CRYM: variants seen among roughly 807,000 people sequenced by gnomAD.
The protein encoded by CRYM is crystallin mu, also known as ketimine reductase mu-crystallin.
In CRYM, 18 loss-of-function variants were observed where a neutral mutation model predicts 32.9. The observed-to-expected ratio is 0.55, with a 90% CI of 0.38 to 0.81. CRYM has a LOEUF of 0.81. CRYM is among the 30% of genes least tolerant of loss of function. The probability of loss-of-function intolerance (pLI) is 0.00; values close to 1 mark genes in which losing one functional copy is unlikely to be tolerated. For synonymous variants in CRYM, 153 were observed against 152.4 expected (o/e 1.00, Z -0.03); for missense variants, 337 against 393.5 (o/e 0.86, Z 1.21).
intron 1 of CRYM, chr16:21,299,867 T>C (rs574156023): frequency 7.2e-5 from 11 of 152,350 alleles, no homozygotes; most frequent in African/African-American, 2.6e-4. Flanking sequence ...GATTTCAAAT[T>C]AAGTGTGTAA....
chr16:21,273,293 A>G (rs1387762644), intron 3 of CRYM, among the ~76,000 whole-genome samples: 1 of 152,148 alleles, frequency 6.6e-6, no homozygotes, highest in Non-Finnish European at 1.5e-5. Context: ...GGACAAGAAA[A>G]TATTCTACTC....
chr16:21,296,602 G>T (rs1960792585), intron 1 of CRYM, among the ~76,000 whole-genome samples: 1 of 152,102 alleles, frequency 6.6e-6, no homozygotes, highest in African/African-American at 2.4e-5. Flanking sequence ...TAATAAAATG[G>T]GGCAGGGACT....
In CRYM at chr16:21,272,816, A is replaced by ATTTT. The variant is rs60416570; in HGVS notation, c.387+2712_387+2715dup. On this transcript the variant is annotated intron_variant, in intron 3 of 7. Transcript: ENST00000572914. ...AGGCACCTGCCACCATGCCCAGCTA[A>ATTTT]TTTTTTTTTTTTTTTTTTTTTTTTT... Among the ~76,000 whole-genome samples the ATTTT allele has an allele frequency of 4.5e-4, 19 of 42,314 alleles. 1 individual carries two copies. The highest frequency in any genetic ancestry group is 2.5e-3 in the East Asian group (5 of 2,014). The allele number at this position is 42,314 out of a possible 152,430, so 27.8% of individuals were successfully genotyped here.
At chr16:21,291,585 T>C (rs985593873) in intron 1 of CRYM, among the ~76,000 whole-genome samples, 2 of 152,176 alleles carry the variant, frequency 1.3e-5, no homozygotes, top group Non-Finnish European at 2.9e-5. Context: ...AAAGAATCTC[T>C]GTGATTAGTA....
At position 21,269,839 on chromosome 16, in the gene CRYM, T is replaced by G; in HGVS notation, c.440A>C (p.Gln147Pro). The G allele has an allele frequency of 1.3e-6, 2 of 1,527,900 alleles. No homozygotes were observed. Among genetic ancestry groups the G allele is most frequent in the Non-Finnish European group, 1.8e-6 (2 of 1,127,228 alleles). 94.6% of individuals were successfully genotyped at this position (1,527,900 alleles called of 1,614,324 possible). A position where few individuals can be genotyped will look rare whatever the true frequency, so the allele number is the denominator to read the frequency against. ...GAAGATCTCATAATGGCTGTAGGCCTGGACCCCAGCCCCAAGGATGCACAG... is the reference window on the plus strand; with the variant it reads ...GAAGATCTCATAATGGCTGTAGGCCGGGACCCCAGCCCCAAGGATGCACAG... ...EVLCILGAGVQAYSHYEIFTE... is the reference protein window; with the variant it reads ...EVLCILGAGVPAYSHYEIFTE... The change falls in exon 4 of 8, where the codon CAG (glutamine) becomes CCG (proline). Residue 147 changes from glutamine to proline, a missense_variant. Physicochemically the swap from Gln to Pro is moderately conservative, Grantham distance 76. Coordinates refer to ENST00000572914, the MANE Select transcript of CRYM (RefSeq NM_001376256.1).
intron 4 of CRYM, among the ~76,000 whole-genome samples, chr16:21,269,267 C>A (rs2093370092): frequency 6.6e-6 from 1 of 151,898 alleles, no homozygotes; most frequent in Non-Finnish European, 1.5e-5. Context: ...TAAAACTGCT[C>A]CATCCCTTTC....
intron 5 of CRYM, among the ~76,000 whole-genome samples, chr16:21,264,056 G>A (rs1183968124): frequency 6.6e-6 from 1 of 152,216 alleles, no homozygotes; most frequent in African/African-American, 2.4e-5. Context: ...TTTGAAAACT[G>A]CTATAAAGCC....
At chr16:21,295,946 G>T (rs1206699418) in intron 1 of CRYM, among the ~76,000 whole-genome samples, 1 of 150,218 alleles carries the variant, frequency 6.7e-6, no homozygotes, top group South Asian at 2.1e-4. Flanking sequence ...AAAAAAAAAA[G>T]AAAGTTATTT....
chr16:21,288,378 A>C (rs1018135265), intron 1 of CRYM, among the ~76,000 whole-genome samples: 1 of 152,130 alleles, frequency 6.6e-6, no homozygotes, highest in Non-Finnish European at 1.5e-5. Context: ...TAGGTTATGA[A>C]TTGTGTCCTT....
intron 1 of CRYM, among the ~76,000 whole-genome samples, chr16:21,285,484 A>G (rs939351570): frequency 1.3e-5 from 2 of 152,212 alleles, no homozygotes; most frequent in Non-Finnish European, 2.9e-5. Flanking sequence ...GAAACCATAC[A>G]AGGGAACTGT....
At chr16:21,301,642 C>T (rs138700618) in intron 1 of CRYM, among the ~76,000 whole-genome samples, 98 of 152,354 alleles carry the variant, frequency 6.4e-4, no homozygotes, top group Non-Finnish European at 1.0e-3. Context: ...TGCGTGCTCC[C>T]CTCGAGCACC....
chr16:21,281,109 ACTCTCT>A (rs34104117), upstream of CRYM, among the ~76,000 whole-genome samples: 37,210 of 127,192 alleles, frequency 0.29, 4,826 homozygotes, highest in African/African-American at 0.36. Context: ...TCTCTCTCTC[ACTCTCT>A]CTCTCTCTCT....
chr16:21,290,738 G>T (rs1414439188), intron 1 of CRYM, among the ~76,000 whole-genome samples: 1 of 152,020 alleles, frequency 6.6e-6, no homozygotes. Flanking sequence ...ATTTAATTTA[G>T]TATTTAGAGG....
At position 21,270,337 on chromosome 16, in the gene CRYM, G is replaced by A. The variant is rs796960395; in HGVS notation, c.388-446C>T. 2.6e-5 allele frequency among the ~76,000 whole-genome samples: 4 copies of A among 151,772 alleles called. No individual in the cohort carries two copies. The South Asian group carries it at 8.3e-4, about 32-fold the overall frequency. ...CTCGCTCTGTCGCCTAGGCTGGAGTGCAGTGGCACGATCTTGGCTCATTGC... is the reference window on the plus strand; with the variant it reads ...CTCGCTCTGTCGCCTAGGCTGGAGTACAGTGGCACGATCTTGGCTCATTGC... On this transcript the variant is annotated intron_variant, in intron 3 of 7. Coordinates refer to ENST00000572914, the MANE Select transcript of CRYM (RefSeq NM_001376256.1).
Position 21,277,329 on chromosome 16 carries a change from G to T in CRYM, c.324+102C>A, listed in dbSNP as rs1053840396. On this transcript the variant is annotated intron_variant, in intron 2 of 7. Transcript: ENST00000572914. The surrounding 1 kb of genome is among the most constrained non-coding windows in gnomAD (Gnocchi z 4.2). ...TATCCAGTCACTTGCAGAGGGGCAC[G>T]CGTAGTCACAATCAAGACTCCCCCT... 4.1e-6 allele frequency: 5 copies of T among 1,231,838 alleles called. No homozygotes were observed. The African/African-American group carries it at 4.5e-5, about 11-fold the overall frequency. The allele number at this position is 1,231,838 out of a possible 1,614,324, so 76.3% of individuals were successfully genotyped here. A position where few individuals can be genotyped will look rare whatever the true frequency, so the allele number is the denominator to read the frequency against.
chr16:21,295,976 T>C (rs1003853414), intron 1 of CRYM, among the ~76,000 whole-genome samples: 16 of 151,944 alleles, frequency 1.1e-4, no homozygotes, highest in African/African-American at 3.9e-4. Context: ...CCATCTCCTA[T>C]ATATGAAACT....
chr16:21,275,689 T>A, intron 2 of CRYM, 95 bp from the exon 3 acceptor site: 2 of 1,001,598 alleles, frequency 2.0e-6, no homozygotes, highest in Non-Finnish European at 3.1e-6. Context: ...GGAAGTTTTA[T>A]AGCATCCTAC....
At chr16:21,269,765 C>CTT in intron 4 of CRYM, 25 bp downstream of exon 4, 1 of 760,802 alleles carries the variant, frequency 1.3e-6, no homozygotes. Context: ...TCCCTCTTCT[C>CTT]TCCCACCCCC....
At chr16:21,301,719 G>A (rs1960942635) in intron 1 of CRYM, among the ~76,000 whole-genome samples, 1 of 152,198 alleles carries the variant, frequency 6.6e-6, no homozygotes, top group Admixed American at 6.5e-5. Flanking sequence ...CGCACTGCGC[G>A]CCCCCAGCCC....
Sources: allele counts gnomAD v4.1 joint callset (sites outside exome capture counted in the v4.1 genomes callset), GRCh38; gene constraint gnomAD v4.1.1; non-coding constraint Gnocchi (gnomAD v3.1); transcripts MANE v1.5; gene names NCBI Gene and HGNC (gene_info 2026-07-23, HGNC 2026-07-21).